Variants in FMO1 observed in about 807,000 individuals in gnomAD.
The protein encoded by FMO1 is flavin-containing monooxygenase 1.
FMO1 carries 36 observed loss-of-function variants against 45.4 expected under a neutral mutation model. The observed-to-expected ratio is 0.79, with a 90% confidence interval of 0.61 to 1.05. The LOEUF is 1.05. FMO1 is among the 50% of genes least tolerant of loss of function. FMO1 has a pLI of 0.00. For synonymous variants in FMO1, 228 were observed against 227.2 expected (o/e 1.00, Z -0.03); for missense variants, 615 against 640.3 (o/e 0.96, Z 0.43).
At chr1:171,264,310 T>C (rs1423109439) in intron 2 of FMO1, among the ~76,000 whole-genome samples, 4 of 150,104 alleles carry the variant, frequency 2.7e-5, no homozygotes, top group African/African-American at 9.7e-5. Context: ...TTAAAATTTT[T>C]AATTTGTGTG....
chr1:171,277,858 C>G (rs928044581), intron 4 of FMO1, among the ~76,000 whole-genome samples: 1 of 152,054 alleles, frequency 6.6e-6, no homozygotes, highest in African/African-American at 2.4e-5. Flanking sequence ...AATGCCACTC[C>G]CCACAAGTAT....
At chr1:171,249,859 T>C (rs1444385775) in intron 1 of FMO1, among the ~76,000 whole-genome samples, 2 of 152,166 alleles carry the variant, frequency 1.3e-5, no homozygotes, top group Admixed American at 1.3e-4. Flanking sequence ...ATTGGCTAAT[T>C]GATACAATGC....
At chr1:171,281,066 C>T in intron 6 of FMO1, 81 bp downstream of exon 6, 2 of 1,118,812 alleles carry the variant, frequency 1.8e-6, no homozygotes, top group Non-Finnish European at 2.7e-6. Flanking sequence ...CCAGGCAGTA[C>T]CACAGCAACA....
chr1:171,273,732 G>T (rs1472739399), intron 3 of FMO1, among the ~76,000 whole-genome samples: 4 of 152,082 alleles, frequency 2.6e-5, no homozygotes, highest in Admixed American at 2.6e-4. Context: ...GCCCAGGGTG[G>T]TCTTGAACTC....
chr1:171,282,187 A>G lies in FMO1; in HGVS notation c.1037A>G (p.Glu346Gly). 1 of 1,614,034 alleles carries G rather than the reference A, an allele frequency of 6.2e-7. No homozygotes were observed. The highest frequency in any genetic ancestry group is 8.5e-7 in the Non-Finnish European group (1 of 1,179,920). ...PFLDESVVKVEDGQASLYKYI... is the reference protein window; with the variant it reads ...PFLDESVVKVGDGQASLYKYI... ...CTTGATGAGTCTGTAGTGAAAGTTG[A>G]AGATGGCCAGGCCTCACTGTACAAG... The change falls in exon 7 of 9, where the codon GAA becomes GGA. Residue 346 changes from glutamate to glycine, a missense_variant. Transcript: ENST00000617670.
chr1:171,249,289 G>A (rs1659772434), intron 1 of FMO1, among the ~76,000 whole-genome samples: 1 of 152,152 alleles, frequency 6.6e-6, no homozygotes, highest in African/African-American at 2.4e-5. Context: ...TCAGGTCTAT[G>A]CCATCTGTTC....
intron 4 of FMO1, 84 bp from the exon 5 acceptor site, chr1:171,278,645 A>C: frequency 9.4e-7 from 1 of 1,068,560 alleles, no homozygotes; most frequent in Non-Finnish European, 1.3e-6. Flanking sequence ...ATCTGTCAAA[A>C]GAATGTTATC....
chr1:171,252,470 C>A (rs1271929795), intron 1 of FMO1, among the ~76,000 whole-genome samples: 2 of 152,190 alleles, frequency 1.3e-5, no homozygotes, highest in Non-Finnish European at 2.9e-5. Flanking sequence ...CGTCTCTTTC[C>A]CTAGGGCCAA....
chr1:171,261,810 C>T (rs904447481), intron 2 of FMO1, among the ~76,000 whole-genome samples: 2 of 152,180 alleles, frequency 1.3e-5, no homozygotes, highest in Admixed American at 6.5e-5. Context: ...TGGCCTCTCC[C>T]AGCTACCACA....
intron 1 of FMO1, among the ~76,000 whole-genome samples, chr1:171,254,515 C>T (rs1050016055): frequency 1.3e-5 from 2 of 152,058 alleles, no homozygotes; most frequent in African/African-American, 4.8e-5. Flanking sequence ...TTAGGAGCTA[C>T]AAGAAAATAA....
chr1:171,252,609 G>A (rs1431250556), intron 1 of FMO1, among the ~76,000 whole-genome samples: 1 of 152,182 alleles, frequency 6.6e-6, no homozygotes, highest in African/African-American at 2.4e-5. Flanking sequence ...TTCTGATGCT[G>A]AACTGGCCTT....
intron 1 of FMO1, among the ~76,000 whole-genome samples, chr1:171,253,680 G>A (rs544204493): frequency 3.9e-4 from 60 of 152,124 alleles, no homozygotes; most frequent in Admixed American, 2.8e-3. Flanking sequence ...AGAATCGCTC[G>A]AACCCAGGAG....
chr1:171,274,301 C>T (rs1259339180), intron 3 of FMO1, among the ~76,000 whole-genome samples: 1 of 150,818 alleles, frequency 6.6e-6, no homozygotes, highest in Non-Finnish European at 1.5e-5. Context: ...CACTCTGTTG[C>T]CCAGGCTGGA....
In FMO1 at chr1:171,283,659, C is replaced by T. The variant is rs1267132420; in HGVS notation, c.1256+443C>T. Among the ~76,000 whole-genome samples, 4 of 151,952 alleles carry T rather than the reference C, an allele frequency of 2.6e-5. No homozygotes were observed. In the East Asian group the frequency reaches 5.8e-4, roughly 22 times the overall value. On this transcript the variant is annotated intron_variant, in intron 8 of 8. Coordinates refer to ENST00000617670, the MANE Select transcript of FMO1 (RefSeq NM_001282693.2). Reference sequence around the variant, plus strand: ...CTCTATCAGCTCTATTGTTTTTATTCGGAGTGTGGCTTTTGCTCTTCATTT... The same window carrying T: ...CTCTATCAGCTCTATTGTTTTTATTTGGAGTGTGGCTTTTGCTCTTCATTT...
At chr1:171,258,241 TTATC>T (rs1176870567) in intron 2 of FMO1, 22 bp downstream of exon 2, 1 of 1,613,312 alleles carries the variant, frequency 6.2e-7, no homozygotes, top group Non-Finnish European at 8.5e-7. Context: ...TTCAACAACT[TTATC>T]TGTCTATTGG....
Position 171,285,766 on chromosome 1 carries a change from AG to A in FMO1, c.*224del, listed in dbSNP as rs1184378083. ...ATAACTAAGACTTCTGTGCATTTGA[AG>A]GTTGTTGGAAAGTTACAGGTTCATT... On this transcript the variant is annotated 3_prime_UTR_variant, in exon 9 of 9. Transcript: ENST00000617670. 2.8e-6 allele frequency: 1 copy of A among 361,628 alleles called. No homozygotes were observed. Among genetic ancestry groups the A allele is most frequent in the African/African-American group, 2.1e-5 (1 of 47,794 alleles). 22.4% of individuals were successfully genotyped at this position (361,628 alleles called of 1,614,324 possible). A position where few individuals can be genotyped will look rare whatever the true frequency, so the allele number is the denominator to read the frequency against.
chr1:171,275,267 A>T, intron 3 of FMO1, 79 bp from the exon 4 acceptor site: 1 of 1,142,978 alleles, frequency 8.7e-7, no homozygotes, highest in Non-Finnish European at 1.3e-6. Flanking sequence ...GAACTTTTAA[A>T]ATATCAATGG....
At chr1:171,271,103 A>C (rs529131811) in intron 3 of FMO1, 23 of 862,558 alleles carry the variant, frequency 2.7e-5, no homozygotes, top group African/African-American at 1.8e-4. Context: ...CCTTTAGCTC[A>C]ATATGCAGCA....
chr1:171,284,715 G>A (rs2101850291), intron 8 of FMO1, among the ~76,000 whole-genome samples: 1 of 139,306 alleles, frequency 7.2e-6, no homozygotes. Flanking sequence ...CTAGGTGACA[G>A]AGCAAGACCT....
Sources: allele counts gnomAD v4.1 joint callset (sites outside exome capture counted in the v4.1 genomes callset), GRCh38; gene constraint gnomAD v4.1.1; transcripts MANE v1.5; gene names NCBI Gene and HGNC (gene_info 2026-07-23, HGNC 2026-07-21).